The following ADGRG1 variants were observed in gnomAD, a reference collection of about 807,000 sequenced individuals.
The protein encoded by ADGRG1 is adhesion G protein-coupled receptor G1.
A neutral mutation model predicts 73.5 loss-of-function variants in ADGRG1; 53 were observed. The ratio of observed to expected loss-of-function variants is 0.72; its 90% CI spans 0.58 to 0.91. The LOEUF is 0.91. ADGRG1 is among the 40% of genes least tolerant of loss of function. The pLI, the probability that ADGRG1 is intolerant of heterozygous loss-of-function variation, is 0.00. For synonymous variants in ADGRG1, 394 were observed against 374.4 expected (o/e 1.05, Z -0.60); for missense variants, 795 against 871.8 (o/e 0.91, Z 1.11).
intron 3 of ADGRG1, among the ~76,000 whole-genome samples, chr16:57,652,455 G>T (rs1246856180): frequency 6.6e-6 from 1 of 152,162 alleles, no homozygotes; most frequent in Non-Finnish European, 1.5e-5. Context: ...CCCGTCAGTG[G>T]TGGGGGGTTC....
intron 2 of ADGRG1, among the ~76,000 whole-genome samples, chr16:57,650,774 T>C (rs1177702765): frequency 1.4e-5 from 2 of 139,064 alleles, no homozygotes; most frequent in Non-Finnish European, 3.0e-5. Flanking sequence ...AGTGGCGGGA[T>C]CTCGGCTCAC....
At chr16:57,629,056 G>T (rs953597703) in intron 1 of ADGRG1, 103 of 539,084 alleles carry the variant, frequency 1.9e-4, no homozygotes, top group Non-Finnish European at 2.3e-4. Context: ...GTGTGTGTGA[G>T]TATGAGTGTG....
chr16:57,624,175 C>G, upstream of ADGRG1: 1 of 982,816 alleles, frequency 1.0e-6, no homozygotes, highest in Non-Finnish European at 1.2e-6. Flanking sequence ...AGGGGAGAAG[C>G]CTGGATATGA....
At chr16:57,654,422 G>A (rs12597625) in intron 5 of ADGRG1, among the ~76,000 whole-genome samples, 3 of 115,122 alleles carry the variant, frequency 2.6e-5, no homozygotes, top group Non-Finnish European at 5.6e-5. Context: ...CCCCCCCCCC[G>A]TTTTTTTTTT....
At chr16:57,623,208 G>T, upstream of ADGRG1, 1 of 985,122 alleles carries the variant, frequency 1.0e-6, no homozygotes, top group Non-Finnish European at 1.2e-6. Context: ...GCTAAACAGG[G>T]GTTCACCTGC....
At chr16:57,626,144 A>G (rs1419036151), upstream of ADGRG1, among the ~76,000 whole-genome samples, 1 of 152,154 alleles carries the variant, frequency 6.6e-6, no homozygotes, top group Non-Finnish European at 1.5e-5. Context: ...TACAGCCCAC[A>G]CACCTGGAGG....
At chr16:57,662,711 G>A (rs2148636295) in intron 13 of ADGRG1, among the ~76,000 whole-genome samples, 1 of 152,216 alleles carries the variant, frequency 6.6e-6, no homozygotes, top group Middle Eastern at 3.4e-3. Flanking sequence ...GGAGAGGTGG[G>A]ATCCCAGGGC....
At chr16:57,652,941 G>C in intron 3 of ADGRG1, 1 of 1,349,614 alleles carries the variant, frequency 7.4e-7, no homozygotes, top group Non-Finnish European at 9.6e-7. Context: ...GGTGTCTGCG[G>C]AGGGTGCTGA....
chr16:57,627,214 C>G, upstream of ADGRG1: 1 of 360,286 alleles, frequency 2.8e-6, no homozygotes, highest in Non-Finnish European at 3.9e-6. Flanking sequence ...CTAGGCTGCC[C>G]GAGACGTTCC....
intron 1 of ADGRG1, chr16:57,644,378 G>GCA (rs2041721122): frequency 1.1e-5 from 2 of 174,504 alleles, no homozygotes; most frequent in Non-Finnish European, 2.1e-5. Context: ...ACACAGCCAT[G>GCA]TGCACACAGA....
chr16:57,643,085 A>AC (rs1412350394), intron 1 of ADGRG1: 2 of 152,186 alleles, frequency 1.3e-5, no homozygotes, highest in Non-Finnish European at 2.9e-5. Flanking sequence ...ACTGCACCAG[A>AC]TAAGACCCCT....
At chr16:57,630,523 C>T in intron 1 of ADGRG1, 1 of 985,486 alleles carries the variant, frequency 1.0e-6, no homozygotes, top group Non-Finnish European at 1.2e-6. Context: ...AGGCCTGGGG[C>T]TTGGCTCCGA....
At chr16:57,653,892 GT>G in intron 4 of ADGRG1, 93 bp from the exon 5 acceptor site, 1 of 1,601,936 alleles carries the variant, frequency 6.2e-7, no homozygotes, top group Admixed American at 1.7e-5. Flanking sequence ...CCTCTTCCCT[GT>G]GTCTCTGTCT....
chr16:57,650,315 A>G lies in ADGRG1; in HGVS notation c.28A>G (p.Thr10Ala). The G allele has an allele frequency of 1.9e-6, 3 of 1,613,520 alleles. No individual in the cohort carries two copies. The highest frequency in any genetic ancestry group is 8.5e-7 in the Non-Finnish European group (1 of 1,179,422). MTPQSLLQTTLFLLSLLFLV... is the reference protein window; with the variant it reads MTPQSLLQTALFLLSLLFLV... ...GACTCCCCAGTCGCTGCTGCAGACG[A>G]CACTGTTCCTGCTGAGTCTGCTCTT... The change falls in exon 2 of 14, where the codon ACA becomes GCA. Residue 10 changes from threonine (T) to alanine (A), a missense_variant. Transcript: ENST00000562631.
chr16:57,637,987 G>A (rs1056194652), intron 1 of ADGRG1, among the ~76,000 whole-genome samples: 3 of 152,202 alleles, frequency 2.0e-5, no homozygotes, highest in East Asian at 1.9e-4. Context: ...CGAAAACCTC[G>A]GTGGGGGTTC....
intron 7 of ADGRG1, 53 bp from the exon 8 acceptor site, chr16:57,656,173 T>G (rs1470148295): frequency 1.4e-5 from 23 of 1,613,206 alleles, no homozygotes; most frequent in Non-Finnish European, 5.9e-6. Context: ...GCCTGTAAAG[T>G]TGGAGGGGTG....
At chr16:57,620,571 G>GT (rs1201087492), upstream of ADGRG1, among the ~76,000 whole-genome samples, 3 of 152,218 alleles carry the variant, frequency 2.0e-5, no homozygotes, top group Non-Finnish European at 4.4e-5. Flanking sequence ...TTGGGAGCAG[G>GT]TTGGCCCAGG....
intron 1 of ADGRG1, chr16:57,640,893 G>A (rs2040655576): frequency 1.0e-6 from 1 of 985,586 alleles, no homozygotes; most frequent in Non-Finnish European, 1.2e-6. Context: ...AAGGAGGGAG[G>A]TGACTGGGCT....
intron 8 of ADGRG1, 52 bp from the exon 9 acceptor site, chr16:57,656,462 G>C (rs1434523568): frequency 4.4e-6 from 7 of 1,580,892 alleles, no homozygotes; most frequent in Non-Finnish European, 6.1e-6. Flanking sequence ...TGGACACAGT[G>C]GGGTCCTGGA....
Sources: gnomAD v4.1 joint callset for allele counts (sites outside exome capture counted in the v4.1 genomes callset) on GRCh38, gnomAD v4.1.1 for gene constraint, MANE v1.5 for transcripts, NCBI Gene and HGNC (gene_info 2026-07-23, HGNC 2026-07-21) for gene names.